The following CORO2B variants were observed in gnomAD, a reference collection of about 807,000 sequenced individuals.
CORO2B encodes coronin 2B.
A neutral mutation model predicts 58.8 loss-of-function variants in CORO2B; 26 were observed. The observed-to-expected ratio is 0.44, with a 90% CI of 0.32 to 0.61. The LOEUF (loss-of-function observed/expected upper bound fraction) is 0.61, where lower values mean the gene tolerates loss of function less well. CORO2B is among the 20% of genes least tolerant of loss of function. The pLI is 0.04. For synonymous variants in CORO2B, 242 were observed against 253.8 expected (o/e 0.95, Z 0.44); for missense variants, 460 against 645.1 (o/e 0.71, Z 3.11).
At chr15:68,607,235 T>C (rs1228541806) in intron 1 of CORO2B, among the ~76,000 whole-genome samples, 2 of 152,150 alleles carry the variant, frequency 1.3e-5, no homozygotes, top group Non-Finnish European at 2.9e-5. Context: ...TTCACACTCA[T>C]GTTTGGTGCC....
chr15:68,643,005 C>T (rs542895668), intron 1 of CORO2B, among the ~76,000 whole-genome samples: 1 of 152,292 alleles, frequency 6.6e-6, no homozygotes, highest in South Asian at 2.1e-4. Flanking sequence ...GCCAGGTCCA[C>T]CAACCACCCA....
At chr15:68,593,583 A>G (rs1034654041) in intron 1 of CORO2B, among the ~76,000 whole-genome samples, 3 of 152,172 alleles carry the variant, frequency 2.0e-5, no homozygotes, top group Non-Finnish European at 4.4e-5. Context: ...GAGTGTCACA[A>G]GAGCAATTCC....
chr15:68,706,924 G>A (rs944863715), intron 3 of CORO2B, among the ~76,000 whole-genome samples: 2 of 151,962 alleles, frequency 1.3e-5, no homozygotes, highest in East Asian at 1.9e-4. Flanking sequence ...TGTTGCCCAG[G>A]TTGGTCTTGA....
rs1567017251 is a variant in CORO2B, at chr15:68,710,590, C to T, written c.334-142C>T. 10 of 961,462 alleles carry T rather than the reference C, an allele frequency of 1.0e-5. No homozygotes were observed. Among genetic ancestry groups the T allele is most frequent in the Admixed American group, 3.2e-5 (1 of 31,430 alleles). The allele number at this position is 961,462 out of a possible 1,614,324, so 59.6% of individuals were successfully genotyped here. A position where few individuals can be genotyped will look rare whatever the true frequency, so the allele number is the denominator to read the frequency against. On this transcript the variant is annotated intron_variant, in intron 3 of 11. Transcript: ENST00000261861. This position sits in a 1 kb window ranked among gnomAD's most constrained non-coding sequence, Gnocchi z 4.1. ...CTGAGACCTCCCAGCAGGCCTCAGT[C>T]GAGCTTTGCCCATCGCCTCAAGCCA... is the stretch of plus-strand genomic sequence containing the variant.
intron 1 of CORO2B, among the ~76,000 whole-genome samples, chr15:68,590,695 A>C (rs1397356291): frequency 6.6e-6 from 1 of 152,162 alleles, no homozygotes; most frequent in Non-Finnish European, 1.5e-5. Context: ...TGAGGGGGTA[A>C]TAATGCCCTA....
intron 1 of CORO2B, among the ~76,000 whole-genome samples, chr15:68,610,445 T>G (rs1426365145): frequency 2.0e-5 from 3 of 151,982 alleles, no homozygotes; most frequent in Admixed American, 6.6e-5. Flanking sequence ...CAGGCTTGTC[T>G]TCCTCCCTGA....
At chr15:68,527,167 G>A in the CORO2B span, among the ~76,000 whole-genome samples, 1 of 152,190 alleles carries the variant, frequency 6.6e-6, no homozygotes, top group South Asian at 2.1e-4. Context: ...CCCAGTCTGT[G>A]GTATTCTATT....
chr15:68,645,089 C>T lies in CORO2B; in HGVS notation c.16-71C>T. ...ACCTCTGAGCCGCAGCTTCCCTCCC[C>T]CAAGAGCCCAGCCGAGGCCCTTCAT... is the stretch of plus-strand genomic sequence containing the variant. On this transcript the variant is annotated intron_variant, in intron 1 of 11. Coordinates refer to ENST00000261861, the MANE Select transcript of CORO2B (RefSeq NM_006091.5). The surrounding 1 kb of genome is among the most constrained non-coding windows in gnomAD (Gnocchi z 4.5). 6.6e-7 allele frequency: 1 copy of T among 1,517,748 alleles called. No homozygotes were observed. The highest frequency in any genetic ancestry group is 1.2e-5 in the South Asian group (1 of 82,662). The allele number at this position is 1,517,748 out of a possible 1,614,324, so 94.0% of individuals were successfully genotyped here.
At chr15:68,707,162 G>A (rs754406372) in intron 3 of CORO2B, among the ~76,000 whole-genome samples, 4 of 152,108 alleles carry the variant, frequency 2.6e-5, no homozygotes, top group Admixed American at 6.6e-5. Flanking sequence ...GATTACAGAC[G>A]TGAGCTACCA....
chr15:68,573,104 G>A, the CORO2B span, among the ~76,000 whole-genome samples: 2 of 152,036 alleles, frequency 1.3e-5, no homozygotes, highest in Non-Finnish European at 2.9e-5. Context: ...GATGCAGCCC[G>A]TAGAGGCCTC....
At chr15:68,575,808 T>C (rs1415912151), upstream of CORO2B, among the ~76,000 whole-genome samples, 2 of 152,020 alleles carry the variant, frequency 1.3e-5, no homozygotes, top group African/African-American at 4.8e-5. Flanking sequence ...ATGGGCTATG[T>C]TACTGGAGAC....
intron 1 of CORO2B, among the ~76,000 whole-genome samples, chr15:68,634,867 C>G (rs983811675): frequency 2.6e-5 from 4 of 152,228 alleles, no homozygotes; most frequent in African/African-American, 9.6e-5. Context: ...GCCTGGGATT[C>G]TCCATTTCTA....
At chr15:68,565,971 T>C in the CORO2B span, among the ~76,000 whole-genome samples, 6 of 152,174 alleles carry the variant, frequency 3.9e-5, no homozygotes, top group Non-Finnish European at 5.9e-5. Flanking sequence ...TAATTGGTGC[T>C]AACGAATTCC....
At chr15:68,663,415 T>C (rs957798520) in intron 2 of CORO2B, among the ~76,000 whole-genome samples, 3 of 152,122 alleles carry the variant, frequency 2.0e-5, no homozygotes, top group African/African-American at 7.2e-5. Flanking sequence ...GTAGAATAAA[T>C]CCCTAGAATT....
chr15:68,640,207 C>T (rs1359084798), intron 1 of CORO2B, among the ~76,000 whole-genome samples: 1 of 152,228 alleles, frequency 6.6e-6, no homozygotes, highest in Non-Finnish European at 1.5e-5. Flanking sequence ...TGTCCATCAC[C>T]TTCCAGAACA....
At chr15:68,689,379 T>C (rs1892301087) in intron 2 of CORO2B, among the ~76,000 whole-genome samples, 1 of 151,790 alleles carries the variant, frequency 6.6e-6, no homozygotes, top group African/African-American at 2.4e-5. Flanking sequence ...TGAACAGTCA[T>C]TGTACAGTCA....
intron 1 of CORO2B, among the ~76,000 whole-genome samples, chr15:68,597,725 T>G (rs1899875311): frequency 1.3e-5 from 2 of 152,086 alleles, no homozygotes. Context: ...GTTACTGTGG[T>G]GAACAAGGGC....
chr15:68,551,023 G>A, the CORO2B span, among the ~76,000 whole-genome samples: 16 of 152,046 alleles, frequency 1.1e-4, no homozygotes, highest in South Asian at 2.5e-3. Flanking sequence ...CCAGCTTTTC[G>A]CAGCACACTG....
chr15:68,610,186 C>A lies in CORO2B; in HGVS notation c.15+30909C>A, dbSNP rs148471688. Among the ~76,000 whole-genome samples, 126 of 152,264 alleles carry A rather than the reference C, an allele frequency of 8.3e-4. 1 individual carries two copies. The highest frequency in any genetic ancestry group is 3.4e-3 in the Middle Eastern group (1 of 294). On this transcript the variant is annotated intron_variant, in intron 1 of 11. Transcript: ENST00000261861. ...TCAGGGACCCTGCAGCCCTCTGGTT[C>A]CAGTGTCAGCAGCCCTCACTAAATG...
Sources: gnomAD v4.1 joint callset for allele counts (sites outside exome capture counted in the v4.1 genomes callset) on GRCh38, gnomAD v4.1.1 for gene constraint, Gnocchi (gnomAD v3.1) non-coding constraint, MANE v1.5 for transcripts, NCBI Gene and HGNC (gene_info 2026-07-23, HGNC 2026-07-21) for gene names.